CX3CL1: variants seen among roughly 807,000 people sequenced by gnomAD.
CX3CL1 encodes fractalkine.
Under a neutral mutation model 14.1 loss-of-function variants are expected in CX3CL1, and 1 was observed. The observed-to-expected ratio is 0.07, with a 90% CI of 0.03 to 0.34. The LOEUF (loss-of-function observed/expected upper bound fraction) is 0.34. CX3CL1 is among the 10% of genes least tolerant of loss of function. The pLI is 0.99. For missense variants in CX3CL1, 505 were observed against 536.4 expected (o/e 0.94, Z 0.58); for synonymous variants, 255 against 229.6 (o/e 1.11, Z -1.00).
chr16:57,380,286 G>A (rs1597998255), intron 2 of CX3CL1, among the ~76,000 whole-genome samples: 1 of 152,198 alleles, frequency 6.6e-6, no homozygotes, highest in South Asian at 2.1e-4. Flanking sequence ...GCAAGGGCGC[G>A]GTGGCTAATG....
chr16:57,383,198 GC>G lies in CX3CL1; in HGVS notation c.*168del. On this transcript the variant is annotated 3_prime_UTR_variant, in exon 3 of 3. Coordinates refer to ENST00000006053, the MANE Select transcript of CX3CL1 (RefSeq NM_002996.6). ...CAAGCTCCCAGGCATTCCCCAGGAG[GC>G]CAGCCTTGACCATTCTCCACCTGCC... The G allele has an allele frequency of 1.7e-6, 1 of 578,468 alleles. No individual in the cohort carries two copies. The highest frequency in any genetic ancestry group is 2.6e-6 in the Non-Finnish European group (1 of 382,404). 35.8% of individuals were successfully genotyped at this position (578,468 alleles called of 1,614,324 possible). A position where few individuals can be genotyped will look rare whatever the true frequency, so the allele number is the denominator to read the frequency against.
At chr16:57,380,962 G>A (rs1369325673) in intron 2 of CX3CL1, among the ~76,000 whole-genome samples, 3 of 152,118 alleles carry the variant, frequency 2.0e-5, no homozygotes, top group Non-Finnish European at 4.4e-5. Flanking sequence ...TGCTCCTGCC[G>A]GACCTCTTTG....
In CX3CL1 at chr16:57,383,551, T is replaced by A. The variant is rs1219633593; in HGVS notation, c.*519T>A. The A allele has an allele frequency of 6.5e-6, 1 of 153,222 alleles. No homozygotes were observed. The highest frequency in any genetic ancestry group is 1.5e-5 in the Non-Finnish European group (1 of 68,456). 9.5% of individuals were successfully genotyped at this position (153,222 alleles called of 1,614,324 possible). A position where few individuals can be genotyped will look rare whatever the true frequency, so the allele number is the denominator to read the frequency against. On this transcript the variant is annotated 3_prime_UTR_variant, in exon 3 of 3. Transcript: ENST00000006053. ...AGCCCACGCCCCCACTGGTGACATG[T>A]CTTTTCTTGCATGAGGCTAGTGTGG...
chr16:57,373,921 G>A (rs1049624020), intron 1 of CX3CL1, among the ~76,000 whole-genome samples: 11 of 152,208 alleles, frequency 7.2e-5, no homozygotes, highest in African/African-American at 1.9e-4. Context: ...TGAAGAGGGC[G>A]GAGGAGGAGG....
intron 2 of CX3CL1, among the ~76,000 whole-genome samples, chr16:57,380,243 G>C (rs1252938910): frequency 1.3e-5 from 2 of 152,254 alleles, no homozygotes; most frequent in African/African-American, 4.8e-5. Context: ...CTGTAAAATG[G>C]GTAGCTAGGA....
Position 57,384,536 on chromosome 16 carries a change from C to T in CX3CL1, c.*1504C>T, listed in dbSNP as rs555772837. 5.9e-5 allele frequency: 9 copies of T among 152,470 alleles called. No homozygotes were observed. The highest frequency in any genetic ancestry group is 2.2e-4 in the African/African-American group (9 of 41,574). 9.4% of individuals were successfully genotyped at this position (152,470 alleles called of 1,614,324 possible). A position where few individuals can be genotyped will look rare whatever the true frequency, so the allele number is the denominator to read the frequency against. On this transcript the variant is annotated 3_prime_UTR_variant, in exon 3 of 3. Transcript: ENST00000006053. ...TTGGATTGTCCCCGACCCTTGCCGT[C>T]TACCTGAGGGGCCTCTTATGGGCTG...
At position 57,382,680 on chromosome 16, in the gene CX3CL1, G is replaced by T. The variant is rs1180580501; in HGVS notation, c.842G>T (p.Gly281Val). 2 of 1,612,452 alleles carry T rather than the reference G, an allele frequency of 1.2e-6. No individual in the cohort carries two copies. The highest frequency in any genetic ancestry group is 2.7e-5 in the African/African-American group (2 of 75,006). The change falls in exon 3 of 3, where the codon GGC becomes GTC. Residue 281 changes from glycine to valine, a missense_variant. Physicochemically the swap from Gly to Val is moderately radical, Grantham distance 109. Coordinates refer to ENST00000006053, the MANE Select transcript of CX3CL1 (RefSeq NM_002996.6). The surrounding 1 kb of genome is among the most constrained non-coding windows in gnomAD (Gnocchi z 6.9). ...HTDAFQDWGPGSMAHVSVVPV... is the reference protein window; with the variant it reads ...HTDAFQDWGPVSMAHVSVVPV... ...GATGCCTTCCAGGACTGGGGGCCTG[G>T]CAGCATGGCCCACGTCTCTGTGGTC...
At position 57,382,214 on chromosome 16, in the gene CX3CL1, G is replaced by A; in HGVS notation, c.376G>A (p.Val126Ile). The change falls in exon 3 of 3, where the codon GTC (valine) becomes ATC (isoleucine). Residue 126 changes from valine (V) to isoleucine (I), a missense_variant. Transcript: ENST00000006053. The surrounding 1 kb of genome is among the most constrained non-coding windows in gnomAD (Gnocchi z 6.9). ...PAAGGMDESV[V>I]LEPEATGESS... is the part of the protein sequence containing the mutation. ...CGCCGGGGGAATGGACGAGTCTGTGGTCCTGGAGCCCGAAGCCACAGGCGA... is the reference window on the plus strand; with the variant it reads ...CGCCGGGGGAATGGACGAGTCTGTGATCCTGGAGCCCGAAGCCACAGGCGA... 1.2e-6 allele frequency: 2 copies of A among 1,612,942 alleles called. No individual in the cohort carries two copies. Among genetic ancestry groups the A allele is most frequent in the Non-Finnish European group, 1.7e-6 (2 of 1,179,472 alleles).
rs1053531066 is a variant in CX3CL1, at chr16:57,384,318, T to C, written c.*1286T>C. The C allele has an allele frequency of 6.6e-6, 1 of 152,324 alleles. No homozygotes were observed. Among genetic ancestry groups the C allele is most frequent in the African/African-American group, 2.4e-5 (1 of 41,450 alleles). 9.4% of individuals were successfully genotyped at this position (152,324 alleles called of 1,614,324 possible). On this transcript the variant is annotated 3_prime_UTR_variant, in exon 3 of 3. Coordinates refer to ENST00000006053, the MANE Select transcript of CX3CL1 (RefSeq NM_002996.6). ...GACAGGACCAGGGATTTCCATGATGTTTTCCATGAGTCCCCTGTTTGTTTC... is the reference window on the plus strand; with the variant it reads ...GACAGGACCAGGGATTTCCATGATGCTTTCCATGAGTCCCCTGTTTGTTTC...
intron 2 of CX3CL1, among the ~76,000 whole-genome samples, chr16:57,380,670 A>T (rs1167211921): frequency 6.6e-6 from 1 of 152,138 alleles, no homozygotes; most frequent in East Asian, 1.9e-4. Flanking sequence ...CCATTTCGAG[A>T]CTTTGGGGAG....
Position 57,382,659 on chromosome 16 carries a change from C to A in CX3CL1, c.821C>A (p.Ala274Asp), listed in dbSNP as rs771178265. 1.2e-6 allele frequency: 2 copies of A among 1,612,696 alleles called. No homozygotes were observed. Among genetic ancestry groups the A allele is most frequent in the Non-Finnish European group, 1.7e-6 (2 of 1,179,110 alleles). ...EMGPVPAHTD[A>D]FQDWGPGSMA... ...GGTCCCGTGCCAGCGCACACGGATG[C>A]CTTCCAGGACTGGGGGCCTGGCAGC... is the stretch of plus-strand genomic sequence containing the variant. The change falls in exon 3 of 3, where the codon GCC becomes GAC. Residue 274 changes from alanine (A) to aspartate (D), a missense_variant. Ala to Asp is a moderately radical substitution (Grantham distance 126). Transcript: ENST00000006053. The surrounding 1 kb of genome is among the most constrained non-coding windows in gnomAD (Gnocchi z 6.9).
chr16:57,377,704 G>C (rs1297394496), intron 1 of CX3CL1: 1 of 152,156 alleles, frequency 6.6e-6, no homozygotes, highest in Non-Finnish European at 1.5e-5. Flanking sequence ...TGCCCTGGGG[G>C]TTTCCCAGGC....
chr16:57,383,194 G>A lies in CX3CL1; in HGVS notation c.*162G>A, dbSNP rs1231222778. 2 of 599,384 alleles carry A rather than the reference G, an allele frequency of 3.3e-6. No homozygotes were observed. Among genetic ancestry groups the A allele is most frequent in the East Asian group, 3.2e-5 (1 of 30,866 alleles). The allele number at this position is 599,384 out of a possible 1,614,324, so 37.1% of individuals were successfully genotyped here. On this transcript the variant is annotated 3_prime_UTR_variant, in exon 3 of 3. Transcript: ENST00000006053. ...GCTCCAAGCTCCCAGGCATTCCCCAGGAGGCCAGCCTTGACCATTCTCCAC... is the reference window on the plus strand; with the variant it reads ...GCTCCAAGCTCCCAGGCATTCCCCAAGAGGCCAGCCTTGACCATTCTCCAC...
intron 1 of CX3CL1, chr16:57,377,563 G>C (rs1902262500): frequency 6.6e-6 from 1 of 152,264 alleles, no homozygotes; most frequent in African/African-American, 2.4e-5. Flanking sequence ...GGAAGCAGCA[G>C]ACTCTACAAA....
At chr16:57,373,092 G>C (rs1418052833) in intron 1 of CX3CL1, among the ~76,000 whole-genome samples, 1 of 152,128 alleles carries the variant, frequency 6.6e-6, no homozygotes, top group African/African-American at 2.4e-5. Context: ...CTCCTGTCCT[G>C]TTTTCAAAGC....
Position 57,383,221 on chromosome 16 carries a change from T to G in CX3CL1, c.*189T>G. On this transcript the variant is annotated 3_prime_UTR_variant, in exon 3 of 3. Transcript: ENST00000006053. ...AGGCCAGCCTTGACCATTCTCCACCTGCCAGGGACAGAGGGGGTGGCCTCC... is the reference window on the plus strand; with the variant it reads ...AGGCCAGCCTTGACCATTCTCCACCGGCCAGGGACAGAGGGGGTGGCCTCC... 1 of 468,120 alleles carries G rather than the reference T, an allele frequency of 2.1e-6. No homozygotes were observed. Among genetic ancestry groups the G allele is most frequent in the Non-Finnish European group, 3.5e-6 (1 of 288,682 alleles). The allele number at this position is 468,120 out of a possible 1,614,324, so 29.0% of individuals were successfully genotyped here. A position where few individuals can be genotyped will look rare whatever the true frequency, so the allele number is the denominator to read the frequency against.
intron 1 of CX3CL1, among the ~76,000 whole-genome samples, chr16:57,376,814 T>A (rs1448005748): frequency 1.3e-5 from 2 of 152,106 alleles, no homozygotes. Context: ...CAATGAATAT[T>A]GATTGAGTAT....
Position 57,382,090 on chromosome 16 carries a change from C to G in CX3CL1, c.252C>G (p.Asp84Glu). Residue 84 changes from aspartate to glutamate, a missense_variant, in exon 3 of 3, where the codon GAC becomes GAG. Coordinates refer to ENST00000006053, the MANE Select transcript of CX3CL1 (RefSeq NM_002996.6). This position sits in a 1 kb window ranked among gnomAD's most constrained non-coding sequence, Gnocchi z 6.9. ...ACCCGAAGGAGCAATGGGTCAAGGA[C>G]GCGATGCAGCATCTGGACCGCCAGG... ...CADPKEQWVK[D>E]AMQHLDRQAA... The G allele has an allele frequency of 6.2e-7, 1 of 1,613,600 alleles. No individual in the cohort carries two copies. The highest frequency in any genetic ancestry group is 8.5e-7 in the Non-Finnish European group (1 of 1,179,706).
At chr16:57,377,298 TG>T in intron 1 of CX3CL1, 1 of 152,396 alleles carries the variant, frequency 6.6e-6, no homozygotes, top group Non-Finnish European at 1.5e-5. Context: ...CAATAGGGCC[TG>T]GGGAGGCTGC....
Sources: allele counts gnomAD v4.1 joint callset (sites outside exome capture counted in the v4.1 genomes callset), GRCh38; gene constraint gnomAD v4.1.1; non-coding constraint Gnocchi (gnomAD v3.1); transcripts MANE v1.5; gene names NCBI Gene and HGNC (gene_info 2026-07-23, HGNC 2026-07-21).